Variants in ANKS1B observed in about 807,000 individuals in gnomAD.
The protein encoded by ANKS1B is ankyrin repeat and sterile alpha motif domain containing 1B, also known as ankyrin repeat and sterile alpha motif domain-containing protein 1B.
ANKS1B carries 36 observed loss-of-function variants against 148.3 expected under a neutral mutation model. That is an observed-to-expected ratio of 0.24 (90% confidence interval 0.19 to 0.32). The LOEUF is 0.32. Ranked by LOEUF, ANKS1B falls within the 10% of genes least tolerant of loss-of-function variation. The pLI, the probability that ANKS1B is intolerant of heterozygous loss-of-function variation, is 1.00. For missense variants in ANKS1B, 1,157 were observed against 1,542.6 expected (o/e 0.75, Z 4.19); for synonymous variants, 542 against 560.8 (o/e 0.97, Z 0.47).
At chr12:98,776,038 C>T (rs1566347669) in intron 24 of ANKS1B, among the ~76,000 whole-genome samples, 1 of 152,192 alleles carries the variant, frequency 6.6e-6, no homozygotes, top group Non-Finnish European at 1.5e-5. Context: ...TTGAACAGAC[C>T]TTTGTGATAT....
intron 14 of ANKS1B, among the ~76,000 whole-genome samples, chr12:99,205,726 G>A (rs1357490368): frequency 6.6e-6 from 1 of 152,174 alleles, no homozygotes; most frequent in Non-Finnish European, 1.5e-5. Context: ...CTCTGAGAAG[G>A]TGCTTGACCT....
chr12:99,456,911 A>G (rs2095856407), intron 10 of ANKS1B, among the ~76,000 whole-genome samples: 1 of 152,196 alleles, frequency 6.6e-6, no homozygotes, highest in Non-Finnish European at 1.5e-5. Flanking sequence ...AAATACAAAA[A>G]GCTCAAAAAA....
At chr12:99,784,381 C>T (rs2064763106) in intron 4 of ANKS1B, among the ~76,000 whole-genome samples, 1 of 152,054 alleles carries the variant, frequency 6.6e-6, no homozygotes. Context: ...ATCATGTTAG[C>T]CAGGATGGTC....
chr12:99,422,312 A>G (rs1286037520), intron 11 of ANKS1B, among the ~76,000 whole-genome samples: 1 of 152,180 alleles, frequency 6.6e-6, no homozygotes, highest in Non-Finnish European at 1.5e-5. Flanking sequence ...AGCACTATCC[A>G]ATATTAACTA....
intron 8 of ANKS1B, among the ~76,000 whole-genome samples, chr12:99,696,227 G>A (rs2053887438): frequency 6.6e-6 from 1 of 152,110 alleles, no homozygotes; most frequent in African/African-American, 2.4e-5. Context: ...AACTCCAAAT[G>A]TCATTAGGAA....
At position 99,315,058 on chromosome 12, in the gene ANKS1B, C is replaced by T. The variant is rs149982240; in HGVS notation, c.1757-68194G>A. On this transcript the variant is annotated intron_variant, in intron 12 of 26. Transcript: ENST00000683438. ...AAGAGATCAAGACCATCCTGGCCAA[C>T]ATGGTGAAACCCCCTCTCTACTAAA... Among the ~76,000 whole-genome samples, 601 of 151,706 alleles carry T rather than the reference C, an allele frequency of 4.0e-3. 4 individuals carry two copies. Among genetic ancestry groups the T allele is most frequent in the African/African-American group, 0.014 (572 of 41,354 alleles).
chr12:99,374,377 C>T (rs182082314), intron 12 of ANKS1B, among the ~76,000 whole-genome samples: 50 of 152,224 alleles, frequency 3.3e-4, no homozygotes, highest in African/African-American at 9.9e-4. Context: ...CCCAGAGATG[C>T]ACATGTTAGG....
chr12:98,822,687 G>A (rs576854936), intron 19 of ANKS1B, among the ~76,000 whole-genome samples: 308 of 152,286 alleles, frequency 2.0e-3, no homozygotes, highest in African/African-American at 7.2e-3. Context: ...AGCACATGGA[G>A]ACAAGGTGGA....
chr12:99,445,835 C>A (rs2095628474), intron 10 of ANKS1B, among the ~76,000 whole-genome samples: 1 of 151,944 alleles, frequency 6.6e-6, no homozygotes, highest in Non-Finnish European at 1.5e-5. Context: ...GATCCTCCCA[C>A]CTTAGCATCC....
At chr12:99,422,464 A>G (rs1035776288) in intron 11 of ANKS1B, among the ~76,000 whole-genome samples, 3 of 152,202 alleles carry the variant, frequency 2.0e-5, no homozygotes, top group African/African-American at 7.2e-5. Flanking sequence ...TGGAGTGTAA[A>G]GAGAAGCTTC....
At chr12:99,437,319 T>A (rs2095477106) in intron 11 of ANKS1B, among the ~76,000 whole-genome samples, 1 of 151,988 alleles carries the variant, frequency 6.6e-6, no homozygotes. Flanking sequence ...TTTTTAATAC[T>A]ATTACATTGG....
intron 12 of ANKS1B, among the ~76,000 whole-genome samples, chr12:99,373,758 C>A (rs575138422): frequency 8.4e-4 from 128 of 152,004 alleles, no homozygotes; most frequent in African/African-American, 3.0e-3. Flanking sequence ...CAAATCATTA[C>A]CAACAAATTA....
At chr12:99,697,766 A>G (rs2054157840) in intron 8 of ANKS1B, among the ~76,000 whole-genome samples, 1 of 152,178 alleles carries the variant, frequency 6.6e-6, no homozygotes. Context: ...TATCAATATC[A>G]GTTGAACAAT....
At chr12:99,878,384 A>G (rs1304763062) in intron 1 of ANKS1B, among the ~76,000 whole-genome samples, 2 of 152,240 alleles carry the variant, frequency 1.3e-5, no homozygotes, top group Admixed American at 6.5e-5. Flanking sequence ...AAGAAAAGCA[A>G]GGGTTGAAAG....
At chr12:99,471,648 G>C (rs1004868741) in intron 10 of ANKS1B, among the ~76,000 whole-genome samples, 8 of 148,952 alleles carry the variant, frequency 5.4e-5, no homozygotes, top group Non-Finnish European at 1.0e-4. Flanking sequence ...ACATATGCGT[G>C]CACACACACA....
chr12:98,801,096 G>A lies in ANKS1B; in HGVS notation c.3171C>T (p.Thr1057=), dbSNP rs2099001518. ...NTGDWGEPSI[T]LRPPNEATAS... is the part of the protein sequence containing the mutation. ...CTGTGGCTTCATTCGGAGGTCGCAAGGTAATGGAAGGTTCTCCCCAGTCTC... is the reference window on the plus strand; with the variant it reads ...CTGTGGCTTCATTCGGAGGTCGCAAAGTAATGGAAGGTTCTCCCCAGTCTC... The change falls in exon 21 of 27, where the codon ACC becomes ACT. Residue 1057 remains threonine, a synonymous_variant. Transcript: ENST00000683438. This position sits in a 1 kb window ranked among gnomAD's most constrained non-coding sequence, Gnocchi z 5.2. 2 of 1,612,442 alleles carry A rather than the reference G, an allele frequency of 1.2e-6. No individual in the cohort carries two copies. The highest frequency in any genetic ancestry group is 1.7e-6 in the Non-Finnish European group (2 of 1,179,314).
chr12:99,897,230 G>A (rs2093416495), intron 1 of ANKS1B, among the ~76,000 whole-genome samples: 1 of 151,152 alleles, frequency 6.6e-6, no homozygotes, highest in Non-Finnish European at 1.5e-5. Context: ...AAAATCAGGT[G>A]AGATAAAAAC....
At chr12:99,624,479 GA>G (rs34250834) in intron 9 of ANKS1B, among the ~76,000 whole-genome samples, 1 of 152,148 alleles carries the variant, frequency 6.6e-6, no homozygotes, top group Admixed American at 6.6e-5. Flanking sequence ...CAAAATGGGA[GA>G]AAATATTCAC....
chr12:99,759,302 T>C (rs1278340486), intron 8 of ANKS1B, among the ~76,000 whole-genome samples: 8 of 151,882 alleles, frequency 5.3e-5, no homozygotes, highest in Admixed American at 2.0e-4. Context: ...AAGCCTGAGA[T>C]TGAAGCAGGC....
Sources: gnomAD v4.1 joint callset for allele counts (sites outside exome capture counted in the v4.1 genomes callset) on GRCh38, gnomAD v4.1.1 for gene constraint, Gnocchi (gnomAD v3.1) non-coding constraint, MANE v1.5 for transcripts, NCBI Gene and HGNC (gene_info 2026-07-23, HGNC 2026-07-21) for gene names.